TBX19: variants seen among roughly 807,000 people sequenced by gnomAD.
TBX19 encodes the protein T-box transcription factor TBX19.
TBX19 carries 33 observed loss-of-function variants against 40.9 expected under a neutral mutation model. The ratio of observed to expected loss-of-function variants is 0.81; its 90% CI spans 0.61 to 1.08. The LOEUF is 1.08. TBX19 is among the 50% of genes least tolerant of loss of function. The probability of loss-of-function intolerance (pLI) is 0.00; values close to 1 mark genes in which losing one functional copy is unlikely to be tolerated. For missense variants in TBX19, 494 were observed against 574.0 expected (o/e 0.86, Z 1.42); for synonymous variants, 220 against 225.0 (o/e 0.98, Z 0.20).
chr1:168,301,942 G>A (rs1172468791), intron 5 of TBX19, among the ~76,000 whole-genome samples: 2 of 152,128 alleles, frequency 1.3e-5, no homozygotes, highest in Non-Finnish European at 2.9e-5. Flanking sequence ...ACATCCCTCT[G>A]GGTCTGATAA....
At chr1:168,294,195 G>A (rs907685344) in intron 3 of TBX19, among the ~76,000 whole-genome samples, 7 of 152,098 alleles carry the variant, frequency 4.6e-5, no homozygotes, top group South Asian at 2.1e-4. Flanking sequence ...GTTTAAGGGT[G>A]TATTATGATT....
chr1:168,288,206 CTTAAG>C (rs201728860), intron 1 of TBX19, among the ~76,000 whole-genome samples: 2,349 of 152,206 alleles, frequency 0.015, 52 homozygotes, highest in African/African-American at 0.053. Context: ...CTCCCATATA[CTTAAG>C]TTATTTCTGG....
At chr1:168,302,359 G>A (rs1026151808) in intron 5 of TBX19, among the ~76,000 whole-genome samples, 2 of 152,208 alleles carry the variant, frequency 1.3e-5, no homozygotes, top group African/African-American at 4.8e-5. Context: ...ATTAAGCGAA[G>A]GCGGTGGGTT....
At chr1:168,300,536 G>A (rs1649252808) in intron 5 of TBX19, 53 bp downstream of exon 5, 6 of 1,538,560 alleles carry the variant, frequency 3.9e-6, no homozygotes, top group Non-Finnish European at 4.5e-6. Context: ...CCTGGAGCCA[G>A]CTCCTTCCAC....
chr1:168,289,501 G>A (rs938718574), intron 1 of TBX19, among the ~76,000 whole-genome samples: 2 of 152,198 alleles, frequency 1.3e-5, no homozygotes, highest in African/African-American at 4.8e-5. Context: ...GGTGGATAAT[G>A]CAGTTCTCAG....
chr1:168,312,829 C>A lies in TBX19; in HGVS notation c.1174C>A (p.Pro392Thr). 1.2e-6 allele frequency: 2 copies of A among 1,614,264 alleles called. No individual in the cohort carries two copies. Among genetic ancestry groups the A allele is most frequent in the Non-Finnish European group, 1.7e-6 (2 of 1,180,048 alleles). The part of the protein sequence containing the change: ...LLGNPAVTSP[P>T]SVLSTQAPTS... ...CGGAAACCCAGCTGTGACTTCACCC[C>A]CTTCTGTGCTCTCCACCCAAGCACC... Residue 392 changes from proline (P) to threonine (T), a missense_variant, in exon 8 of 8, where the codon CCT becomes ACT. Coordinates refer to ENST00000367821, the MANE Select transcript of TBX19 (RefSeq NM_005149.3).
At chr1:168,290,359 T>G (rs960575686) in intron 1 of TBX19, among the ~76,000 whole-genome samples, 2 of 152,214 alleles carry the variant, frequency 1.3e-5, no homozygotes, top group African/African-American at 4.8e-5. Flanking sequence ...TGGACACAAA[T>G]TCTCATAAAA....
At chr1:168,294,010 G>A (rs1276665744) in intron 3 of TBX19, among the ~76,000 whole-genome samples, 1 of 152,064 alleles carries the variant, frequency 6.6e-6, no homozygotes, top group Non-Finnish European at 1.5e-5. Context: ...AAAGCTATAC[G>A]GGTTTCTTCC....
In TBX19 at chr1:168,297,787, T is replaced by C; in HGVS notation, c.665+2T>C. 3 of 1,612,272 alleles carry C rather than the reference T, an allele frequency of 1.9e-6. No homozygotes were observed. Among genetic ancestry groups the C allele is most frequent in the Non-Finnish European group, 2.5e-6 (3 of 1,178,536 alleles). ...AGCCTTCTTGGATGCCAAGGAAAGG[T>C]AAGTAAAGAAATTTTAGTGAAATCT... On this transcript the variant is annotated splice_donor_variant, in intron 4 of 7. Transcript: ENST00000367821. LOFTEE classifies it high-confidence loss of function.
intron 4 of TBX19, among the ~76,000 whole-genome samples, chr1:168,298,151 G>C (rs1047006703): frequency 6.6e-5 from 10 of 152,162 alleles, no homozygotes; most frequent in East Asian, 1.9e-4. Flanking sequence ...AGCCGAGATG[G>C]CGCCACTGCA....
In TBX19 at chr1:168,293,159, C is replaced by T. The variant is rs368646786; in HGVS notation, c.484C>T (p.Leu162=). ...NGGGQIMLNS[L]HKYEPQVHIV... is the part of the protein sequence containing the mutation. ...GCCTCGACAGATAATGTTGAATTCT[C>T]TGCATAAATATGAACCCCAGGTTCA... is the stretch of plus-strand genomic sequence containing the variant. Residue 162 remains leucine, a synonymous_variant, in exon 3 of 8, where the codon CTG becomes TTG. Coordinates refer to ENST00000367821, the MANE Select transcript of TBX19 (RefSeq NM_005149.3). The T allele has an allele frequency of 6.2e-5, 100 of 1,613,940 alleles. No individual in the cohort carries two copies. Among genetic ancestry groups the T allele is most frequent in the African/African-American group, 9.3e-5 (7 of 74,936 alleles).
intron 5 of TBX19, among the ~76,000 whole-genome samples, chr1:168,302,604 G>T (rs780510053): frequency 2.6e-5 from 4 of 151,996 alleles, no homozygotes; most frequent in Non-Finnish European, 4.4e-5. Flanking sequence ...AAAACATTTT[G>T]CAGTCGTCCA....
Position 168,312,962 on chromosome 1 carries a change from G to A in TBX19, c.1307G>A (p.Gly436Glu). Residue 436 changes from glycine (G) to glutamate (E), a missense_variant, in exon 8 of 8, where the codon GGA becomes GAA. This residue lies in a region of TBX19 where 284 missense variants were observed against 307.3 expected (regional missense o/e 0.92). Transcript: ENST00000367821. ...SHPFAGWGGP[G>E]AGGHHSPSSL... is the part of the protein sequence containing the mutation. ...CCCTTCGCGGGCTGGGGTGGCCCAG[G>A]AGCGGGTGGGCACCATTCTCCTTCC... 1 of 1,614,242 alleles carries A rather than the reference G, an allele frequency of 6.2e-7. No individual in the cohort carries two copies. Among genetic ancestry groups the A allele is most frequent in the South Asian group, 1.1e-5 (1 of 91,086 alleles).
intron 5 of TBX19, among the ~76,000 whole-genome samples, chr1:168,302,454 C>T (rs1649302260): frequency 6.6e-6 from 1 of 152,156 alleles, no homozygotes; most frequent in Non-Finnish European, 1.5e-5. Context: ...CTGTTTCTAT[C>T]TGAATCCCCA....
intron 1 of TBX19, 83 bp from the exon 2 acceptor site, chr1:168,291,077 G>A: frequency 5.7e-6 from 9 of 1,590,758 alleles, no homozygotes; most frequent in Non-Finnish European, 7.8e-6. Context: ...TCCGTGGAAG[G>A]TCTCAGTATT....
rs1026286353 is a variant in TBX19, at chr1:168,291,429, G to A, written c.468+5G>A. ...AAGCTCAATGGAGGCGGGCAGGTAC[G>A]AATGAGGCGGGCAGGCCTGGCCACC... On this transcript the variant is annotated splice_donor_5th_base_variant and intron_variant, in intron 2 of 7. Coordinates refer to ENST00000367821, the MANE Select transcript of TBX19 (RefSeq NM_005149.3). The A allele has an allele frequency of 1.9e-6, 3 of 1,614,150 alleles. No homozygotes were observed. In the Admixed American group the frequency reaches 5.0e-5, roughly 27 times the overall value.
chr1:168,300,720 G>C (rs575561656), intron 5 of TBX19, among the ~76,000 whole-genome samples: 2 of 152,214 alleles, frequency 1.3e-5, no homozygotes, highest in South Asian at 2.1e-4. Context: ...GAATGAAAAT[G>C]ATGAATTTCT....
rs182128656 is a variant in TBX19, at chr1:168,311,991, T to C, written c.1053-717T>C. ...CCAATGTGCCGAATGTGCAATCAAG[T>C]GTGTGAACCTGTGCTACAGAACTAG... is the stretch of plus-strand genomic sequence containing the variant. On this transcript the variant is annotated intron_variant, in intron 7 of 7. Transcript: ENST00000367821. 3.9e-5 allele frequency among the ~76,000 whole-genome samples: 6 copies of C among 152,234 alleles called. No homozygotes were observed. The East Asian group carries it at 1.2e-3, about 29-fold the overall frequency.
rs36217752 is a variant in TBX19, at chr1:168,285,261, T to TCACACACACA, written c.203+3998_203+4007dup. Among the ~76,000 whole-genome samples, 3 of 148,172 alleles carry TCACACACACA rather than the reference T, an allele frequency of 2.0e-5. No homozygotes were observed. In the South Asian group the frequency reaches 6.5e-4, roughly 32 times the overall value. On this transcript the variant is annotated intron_variant, in intron 1 of 7. Coordinates refer to ENST00000367821, the MANE Select transcript of TBX19 (RefSeq NM_005149.3). ...TGTCAGCATCCATGCACCATGTATGTCACACACACACACACACACACACAC... is the reference window on the plus strand; with the variant it reads ...TGTCAGCATCCATGCACCATGTATGTCACACACACACACACACACACACACACACACACAC...
Sources: allele counts gnomAD v4.1 joint callset (sites outside exome capture counted in the v4.1 genomes callset), GRCh38; gene constraint gnomAD v4.1.1; regional missense constraint gnomAD v4.1.1; transcripts MANE v1.5; gene names NCBI Gene and HGNC (gene_info 2026-07-23, HGNC 2026-07-21).